The following SLC45A4 variants were observed in gnomAD, a reference collection of about 807,000 sequenced individuals.
SLC45A4 encodes solute carrier family 45 member 4.
A neutral mutation model predicts 63.7 loss-of-function variants in SLC45A4; 32 were observed. The ratio of observed to expected loss-of-function variants is 0.50; its 90% CI spans 0.38 to 0.67. The LOEUF is 0.67. SLC45A4 is among the 30% of genes least tolerant of loss of function. SLC45A4 has a pLI of 0.00. For missense variants in SLC45A4, 1,027 were observed against 1,157.7 expected, an observed-to-expected ratio of 0.89 and a Z score of 1.64; for synonymous variants, 535 against 510.0, an observed-to-expected ratio of 1.05 and a Z score of -0.66.
At position 141,229,104 on chromosome 8, in the gene SLC45A4, C is replaced by A. The variant is rs1419425390; in HGVS notation, c.242-7339G>T. On this transcript the variant is annotated intron_variant, in intron 2 of 8. Coordinates refer to ENST00000517878, the MANE Select transcript of SLC45A4 (RefSeq NM_001286646.2). This position sits in a 1 kb window ranked among gnomAD's most constrained non-coding sequence, Gnocchi z 5.0. ...TGAAGTACTTTACCTTCCCCCCTTA[C>A]CTGACATTCAATAACTGCTTAGTGC... 6.6e-6 allele frequency among the ~76,000 whole-genome samples: 1 copy of A among 152,226 alleles called. No homozygotes were observed. Among genetic ancestry groups the A allele is most frequent in the African/African-American group, 2.4e-5 (1 of 41,446 alleles).
intron 1 of SLC45A4, among the ~76,000 whole-genome samples, chr8:141,284,111 T>C (rs1216193364): frequency 1.3e-5 from 2 of 152,240 alleles, no homozygotes; most frequent in Non-Finnish European, 2.9e-5. Flanking sequence ...CAGTGATTAT[T>C]TGATGACAGT....
chr8:141,302,813 C>G, intron 1 of SLC45A4, among the ~76,000 whole-genome samples: 1 of 152,252 alleles, frequency 6.6e-6, no homozygotes, highest in South Asian at 2.1e-4. Flanking sequence ...TCATCTCCAG[C>G]GTGGAGATGT....
chr8:141,255,544 C>T (rs1381752483), intron 1 of SLC45A4, among the ~76,000 whole-genome samples: 1 of 152,130 alleles, frequency 6.6e-6, no homozygotes, highest in Non-Finnish European at 1.5e-5. Flanking sequence ...GGCGAAAGCC[C>T]ATCTCTACTA....
At chr8:141,234,090 G>A (rs998741986) in intron 2 of SLC45A4, among the ~76,000 whole-genome samples, 7 of 152,218 alleles carry the variant, frequency 4.6e-5, no homozygotes, top group African/African-American at 1.4e-4. Context: ...TTAGCGAATC[G>A]TCGCCAACAT....
At chr8:141,264,980 G>T (rs1406720923) in intron 1 of SLC45A4, among the ~76,000 whole-genome samples, 3 of 152,126 alleles carry the variant, frequency 2.0e-5, no homozygotes, top group Non-Finnish European at 4.4e-5. Context: ...TCTAATTAAG[G>T]CTATTCATTC....
intron 1 of SLC45A4, among the ~76,000 whole-genome samples, chr8:141,260,201 T>C (rs1828990386): frequency 6.6e-6 from 1 of 152,246 alleles, no homozygotes; most frequent in Non-Finnish European, 1.5e-5. Flanking sequence ...TTAGACATCT[T>C]GAGTTTGTTT....
rs1825667616 is a variant in SLC45A4 at position 141,208,989 on chromosome 8, G to A, written c.*2583C>T. On this transcript the variant is annotated 3_prime_UTR_variant, in exon 9 of 9. Transcript: ENST00000517878. ...TGCCTGACACTCCACTCAGTGTGCAGAGGCACCCAGGCCACCAGCCTGCAC... is the reference window on the plus strand; with the variant it reads ...TGCCTGACACTCCACTCAGTGTGCAAAGGCACCCAGGCCACCAGCCTGCAC... The A allele has an allele frequency of 6.5e-6, 1 of 152,704 alleles. No individual in the cohort carries two copies. The highest frequency in any genetic ancestry group is 6.5e-5 in the Admixed American group (1 of 15,292). The allele number at this position is 152,704 out of a possible 1,614,324, so 9.5% of individuals were successfully genotyped here.
At chr8:141,288,236 G>A (rs551618432) in intron 1 of SLC45A4, among the ~76,000 whole-genome samples, 1 of 152,256 alleles carries the variant, frequency 6.6e-6, no homozygotes, top group South Asian at 2.1e-4. Flanking sequence ...AGAGCCTCGA[G>A]GGCTGCCCTT....
intron 1 of SLC45A4, among the ~76,000 whole-genome samples, chr8:141,285,057 G>T (rs1563673761): frequency 1.3e-5 from 2 of 152,210 alleles, no homozygotes; most frequent in Admixed American, 1.3e-4. Flanking sequence ...CTGGCAGTGG[G>T]GCTCGGGGCC....
intron 1 of SLC45A4, among the ~76,000 whole-genome samples, chr8:141,280,496 T>C (rs1829891813): frequency 6.6e-6 from 1 of 152,204 alleles, no homozygotes; most frequent in Non-Finnish European, 1.5e-5. Context: ...CAACATGGTG[T>C]TGGGGCCAGC....
At chr8:141,223,214 A>C (rs1826764238) in intron 2 of SLC45A4, among the ~76,000 whole-genome samples, 1 of 152,212 alleles carries the variant, frequency 6.6e-6, no homozygotes, top group Non-Finnish European at 1.5e-5. Context: ...TTTGCACTGC[A>C]CACAACTTCA....
At chr8:141,250,662 G>C (rs560732637) in intron 2 of SLC45A4, among the ~76,000 whole-genome samples, 6 of 152,216 alleles carry the variant, frequency 3.9e-5, no homozygotes, top group Non-Finnish European at 8.8e-5. Context: ...TTATAGGCAT[G>C]AGCCAGAGTG....
rs927847175 is a variant in SLC45A4 at position 141,220,937 on chromosome 8, G to C, written c.430+640C>G. ...CCACACGCAGTCAGAGGCATCGCCT[G>C]TTGGCGACGAAGCCCACCCCATGGC... is the stretch of plus-strand genomic sequence containing the variant. On this transcript the variant is annotated intron_variant, in intron 3 of 8. Coordinates refer to ENST00000517878, the MANE Select transcript of SLC45A4 (RefSeq NM_001286646.2). Among the ~76,000 whole-genome samples, 16 of 152,362 alleles carry C rather than the reference G, an allele frequency of 1.1e-4. No homozygotes were observed. In the East Asian group the frequency reaches 2.9e-3, roughly 28 times the overall value.
At chr8:141,306,964 T>A (rs1418723083) in intron 1 of SLC45A4, among the ~76,000 whole-genome samples, 1 of 152,226 alleles carries the variant, frequency 6.6e-6, no homozygotes, top group Non-Finnish European at 1.5e-5. Context: ...CCTGTTTTGC[T>A]GGAGTCAGCT....
intron 1 of SLC45A4, among the ~76,000 whole-genome samples, chr8:141,301,817 C>G (rs2154615465): frequency 7.1e-6 from 1 of 141,784 alleles, no homozygotes; most frequent in South Asian, 2.3e-4. Flanking sequence ...TAAAAACTAG[C>G]TGGGCATGAT....
chr8:141,217,497 G>A (rs1188499068), intron 5 of SLC45A4, among the ~76,000 whole-genome samples: 5 of 152,238 alleles, frequency 3.3e-5, no homozygotes, highest in South Asian at 4.1e-4. Context: ...AGCCTCTGCC[G>A]TGGCCCTCTC....
chr8:141,218,764 C>T lies in SLC45A4; in HGVS notation c.876G>A (p.Glu292=), dbSNP rs759105414. 6.2e-7 allele frequency: 1 copy of T among 1,613,316 alleles called. No individual in the cohort carries two copies. The highest frequency in any genetic ancestry group is 8.5e-7 in the Non-Finnish European group (1 of 1,179,890). The change falls in exon 5 of 9, where the codon GAG becomes GAA. Residue 292 remains glutamate (E), a synonymous_variant. Coordinates refer to ENST00000517878, the MANE Select transcript of SLC45A4 (RefSeq NM_001286646.2). ...CCACGTCCGGGTAGTCCAGGGCCAG[C>T]TCGTGCTCCGACTGTACCTCGTCTG... ...AFPDEVQSEH[E]LALDYPDVDI...
At position 141,211,083 on chromosome 8, in the gene SLC45A4, A is replaced by T; in HGVS notation, c.*489T>A. On this transcript the variant is annotated 3_prime_UTR_variant, in exon 9 of 9. Coordinates refer to ENST00000517878, the MANE Select transcript of SLC45A4 (RefSeq NM_001286646.2). ...GGAGTTCCGACAGGTTCCAGCACGCATGTCCCCTTCGCAAGCGGGGGAGGC... is the reference window on the plus strand; with the variant it reads ...GGAGTTCCGACAGGTTCCAGCACGCTTGTCCCCTTCGCAAGCGGGGGAGGC... 1 of 199,156 alleles carries T rather than the reference A, an allele frequency of 5.0e-6. No homozygotes were observed. Among genetic ancestry groups the T allele is most frequent in the Non-Finnish European group, 1.0e-5 (1 of 98,252 alleles). 12.3% of individuals were successfully genotyped at this position (199,156 alleles called of 1,614,324 possible).
At position 141,208,441 on chromosome 8, in the gene SLC45A4, G is replaced by A. The variant is rs537031336; in HGVS notation, c.*3131C>T. On this transcript the variant is annotated 3_prime_UTR_variant, in exon 9 of 9. Coordinates refer to ENST00000517878, the MANE Select transcript of SLC45A4 (RefSeq NM_001286646.2). ...ACAGACCAAGTCCTCCACACCTGGG[G>A]CATTCAAGAAACACTCCTGATGGCT... is the stretch of plus-strand genomic sequence containing the variant. 1 of 152,288 alleles carries A rather than the reference G, an allele frequency of 6.6e-6. No homozygotes were observed. The highest frequency in any genetic ancestry group is 2.1e-4 in the South Asian group (1 of 4,806). 9.4% of individuals were successfully genotyped at this position (152,288 alleles called of 1,614,324 possible).
Sources: allele counts gnomAD v4.1 joint callset (sites outside exome capture counted in the v4.1 genomes callset), GRCh38; gene constraint gnomAD v4.1.1; non-coding constraint Gnocchi (gnomAD v3.1); transcripts MANE v1.5; gene names NCBI Gene and HGNC (gene_info 2026-07-23, HGNC 2026-07-21).